XPR1: variants seen among roughly 807,000 people sequenced by gnomAD.
XPR1 encodes the protein solute carrier family 53 member 1.
In XPR1, 28 loss-of-function variants were observed where a neutral mutation model predicts 87.5. That is an observed-to-expected ratio of 0.32 (90% CI 0.24 to 0.44). The LOEUF (loss-of-function observed/expected upper bound fraction) is 0.44, where lower values mean the gene tolerates loss of function less well. XPR1 is among the 20% of genes least tolerant of loss of function. XPR1 has a pLI of 1.00. For missense variants in XPR1, 559 were observed against 862.3 expected (o/e 0.65, Z 4.41); for synonymous variants, 300 against 306.1 (o/e 0.98, Z 0.21).
At chr1:180,696,165 G>GGGGTGT (rs1199216725) in intron 2 of XPR1, among the ~76,000 whole-genome samples, 4 of 102,976 alleles carry the variant, frequency 3.9e-5, no homozygotes, top group African/African-American at 1.4e-4. Context: ...TTTATTCCTG[G>GGGGTGT]GTGTGTGTGT....
At chr1:180,747,945 A>C (rs182274500) in intron 2 of XPR1, among the ~76,000 whole-genome samples, 8 of 152,352 alleles carry the variant, frequency 5.3e-5, no homozygotes, top group East Asian at 3.9e-4. Flanking sequence ...GAAGAACAAC[A>C]ACCAAAACAA....
chr1:180,737,841 T>G (rs980537228), intron 2 of XPR1, among the ~76,000 whole-genome samples: 1 of 152,150 alleles, frequency 6.6e-6, no homozygotes, highest in African/African-American at 2.4e-5. Context: ...ATACCATGAT[T>G]TGTTTATCCA....
intron 11 of XPR1, among the ~76,000 whole-genome samples, chr1:180,843,845 G>A (rs6686881): frequency 0.043 from 6,546 of 152,170 alleles, 503 homozygotes; most frequent in African/African-American, 0.15. Context: ...TAACACTCGT[G>A]TACAAAAGTT....
chr1:180,656,555 A>ATAATATT lies in XPR1; in HGVS notation c.69+24286_69+24287insAATATTT, dbSNP rs1557941710. The stretch of plus-strand genomic sequence containing the variant: ...TTATATATAATATTTATATATTTAT[A>ATAATATT]TGTATAATATATATTTTATATATGT... On this transcript the variant is annotated intron_variant, in intron 1 of 14. Transcript: ENST00000367590. Among the ~76,000 whole-genome samples, 67 of 25,540 alleles carry ATAATATT rather than the reference A, an allele frequency of 2.6e-3. 1 individual carries two copies. The highest frequency in any genetic ancestry group is 3.6e-3 in the Non-Finnish European group (39 of 10,788). The allele number at this position is 25,540 out of a possible 152,430, so 16.8% of individuals were successfully genotyped here. A position where few individuals can be genotyped will look rare whatever the true frequency, so the allele number is the denominator to read the frequency against.
At chr1:180,656,653 TA>T (rs1655539548) in intron 1 of XPR1, among the ~76,000 whole-genome samples, 4 of 124,366 alleles carry the variant, frequency 3.2e-5, no homozygotes, top group Admixed American at 1.1e-4. Context: ...TTATTATATA[TA>T]ATATATAATT....
In XPR1 at chr1:180,801,773, A is replaced by G. The variant is rs184123760; in HGVS notation, c.224-1615A>G. 3.5e-3 allele frequency among the ~76,000 whole-genome samples: 536 copies of G among 151,624 alleles called. 3 individuals carry two copies. Among genetic ancestry groups the G allele is most frequent in the Non-Finnish European group, 5.7e-3 (390 of 67,924 alleles). On this transcript the variant is annotated intron_variant, in intron 3 of 14. Coordinates refer to ENST00000367590, the MANE Select transcript of XPR1 (RefSeq NM_004736.4). Reference sequence around the variant, plus strand: ...TTTTTATCATTATTTATTGAGTGCTATGTCCCTTGGCATTTTTTTTTTTTT... The same window carrying G: ...TTTTTATCATTATTTATTGAGTGCTGTGTCCCTTGGCATTTTTTTTTTTTT...
intron 2 of XPR1, among the ~76,000 whole-genome samples, chr1:180,715,807 G>C (rs954683816): frequency 1.3e-5 from 2 of 151,998 alleles, no homozygotes; most frequent in Admixed American, 6.6e-5. Flanking sequence ...TGAGTAGCTG[G>C]AATTACAAGT....
intron 7 of XPR1, among the ~76,000 whole-genome samples, chr1:180,820,019 CAA>C (rs963146509): frequency 7.4e-6 from 1 of 135,098 alleles, no homozygotes. Flanking sequence ...GACTCTGTCT[CAA>C]AAAAAAAAAA....
At chr1:180,824,695 A>G in intron 7 of XPR1, 58 bp from the exon 8 acceptor site, 3 of 1,419,750 alleles carry the variant, frequency 2.1e-6, no homozygotes, top group Non-Finnish European at 2.9e-6. Flanking sequence ...ACAAAAGATT[A>G]TTAATTCAAG....
At chr1:180,689,716 A>G (rs1656915193) in intron 2 of XPR1, among the ~76,000 whole-genome samples, 1 of 152,200 alleles carries the variant, frequency 6.6e-6, no homozygotes, top group Non-Finnish European at 1.5e-5. Flanking sequence ...GTTAATAATA[A>G]TGTATCATTA....
intron 2 of XPR1, among the ~76,000 whole-genome samples, chr1:180,718,366 T>C (rs73034849): frequency 0.017 from 2,550 of 152,284 alleles, 80 homozygotes; most frequent in African/African-American, 0.056. Flanking sequence ...CCACATAAAA[T>C]AGTATTTGGA....
rs184386696 is a variant in XPR1 at position 180,887,521 on chromosome 1, A to C, written c.*3455A>C. 3.3e-5 allele frequency: 5 copies of C among 152,238 alleles called. No individual in the cohort carries two copies. Among genetic ancestry groups the C allele is most frequent in the African/African-American group, 1.2e-4 (5 of 41,464 alleles). 9.4% of individuals were successfully genotyped at this position (152,238 alleles called of 1,614,324 possible). A position where few individuals can be genotyped will look rare whatever the true frequency, so the allele number is the denominator to read the frequency against. On this transcript the variant is annotated 3_prime_UTR_variant, in exon 15 of 15. Transcript: ENST00000367590. The stretch of plus-strand genomic sequence containing the variant: ...TGATTTCATAGCATACAGAGAAACA[A>C]TGAAATCAAAGATTAAATCATTAGG...
At chr1:180,816,969 C>T (rs186765357) in intron 7 of XPR1, among the ~76,000 whole-genome samples, 1 of 152,170 alleles carries the variant, frequency 6.6e-6, no homozygotes, top group Non-Finnish European at 1.5e-5. Context: ...TGTGTTATTG[C>T]CCCGAAGACC....
chr1:180,671,149 G>T (rs1656155411), intron 1 of XPR1, among the ~76,000 whole-genome samples: 1 of 152,272 alleles, frequency 6.6e-6, no homozygotes, highest in African/African-American at 2.4e-5. Context: ...AAGGTAGATT[G>T]GACCATTCTT....
At chr1:180,742,398 GA>G (rs1265067422) in intron 2 of XPR1, among the ~76,000 whole-genome samples, 1 of 152,012 alleles carries the variant, frequency 6.6e-6, no homozygotes, top group South Asian at 2.1e-4. Flanking sequence ...GGATTATATA[GA>G]AGTGTGTTGT....
Position 180,860,899 on chromosome 1 carries a change from T to C in XPR1, c.1502-2809T>C, listed in dbSNP as rs549320452. Among the ~76,000 whole-genome samples the C allele has an allele frequency of 2.2e-3, 330 of 152,254 alleles. 3 individuals are homozygous for C. The highest frequency in any genetic ancestry group is 4.1e-3 in the Non-Finnish European group (278 of 67,978). ...TACACTCTAAGGATAAGATTTACAT[T>C]TAAAATCTAGGAGAAATACCAGAAA... On this transcript the variant is annotated intron_variant, in intron 11 of 14. Transcript: ENST00000367590.
At chr1:180,801,957 C>T (rs1299676957) in intron 3 of XPR1, among the ~76,000 whole-genome samples, 3 of 151,912 alleles carry the variant, frequency 2.0e-5, no homozygotes, top group Non-Finnish European at 2.9e-5. Context: ...CCACCACGCC[C>T]GGCTAATTTT....
At chr1:180,634,860 G>A (rs956389579) in intron 1 of XPR1, among the ~76,000 whole-genome samples, 1 of 151,584 alleles carries the variant, frequency 6.6e-6, no homozygotes, top group African/African-American at 2.4e-5. Context: ...TGTATATATT[G>A]TAGCACAGTA....
intron 2 of XPR1, among the ~76,000 whole-genome samples, chr1:180,726,510 A>G (rs1658353550): frequency 6.6e-6 from 1 of 152,238 alleles, no homozygotes; most frequent in Admixed American, 6.5e-5. Context: ...CTCCGGACAC[A>G]GTTCTGTTTC....
Sources: gnomAD v4.1 joint callset for allele counts (sites outside exome capture counted in the v4.1 genomes callset) on GRCh38, gnomAD v4.1.1 for gene constraint, MANE v1.5 for transcripts, NCBI Gene and HGNC (gene_info 2026-07-23, HGNC 2026-07-21) for gene names.